The following ZNF665 variants were observed in gnomAD, a reference collection of about 807,000 sequenced individuals.
The protein encoded by ZNF665 is zinc finger protein 665.
In ZNF665, 6 loss-of-function variants were observed where a neutral mutation model predicts 7.9. The observed-to-expected ratio is 0.76, with a 90% CI of 0.42 to 1.50. ZNF665 has a LOEUF of 1.50. Among genes scored for constraint, ZNF665 ranks in the 40% most tolerant of loss-of-function variants. The probability of loss-of-function intolerance (pLI) is 0.01; values close to 1 mark genes in which losing one functional copy is unlikely to be tolerated. For missense variants in ZNF665, 819 were observed against 806.7 expected (o/e 1.02, Z -0.18); for synonymous variants, 242 against 274.5 (o/e 0.88, Z 1.17).
intron 1 of ZNF665, among the ~76,000 whole-genome samples, chr19:53,192,924 C>G (rs1009335206): frequency 6.6e-6 from 1 of 152,180 alleles, no homozygotes; most frequent in Admixed American, 6.5e-5. Flanking sequence ...CAGGACCAGG[C>G]AGAGGCGCGG....
rs1274121395 is a variant in ZNF665, at chr19:53,166,031, C to T, written c.459G>A (p.Gln153=). ...AAATTTTCCCTTCATGTTGAAATTGCTGCAGTTCAGGGAGATGTGACTGAA... is the reference window on the plus strand; with the variant it reads ...AAATTTTCCCTTCATGTTGAAATTGTTGCAGTTCAGGGAGATGTGACTGAA... ...VSFQSHLPEL[Q]QFQHEGKIYE... Residue 153 remains glutamine (Q), a synonymous_variant, in exon 4 of 4, where the codon CAG becomes CAA. Coordinates refer to ENST00000396424, the MANE Select transcript of ZNF665 (RefSeq NM_024733.5). 1 of 1,614,004 alleles carries T rather than the reference C, an allele frequency of 6.2e-7. No homozygotes were observed. The highest frequency in any genetic ancestry group is 2.2e-5 in the East Asian group (1 of 44,880).
intron 2 of ZNF665, among the ~76,000 whole-genome samples, chr19:53,178,437 A>G (rs2090713800): frequency 6.6e-6 from 1 of 152,186 alleles, no homozygotes; most frequent in South Asian, 2.1e-4. Context: ...CAAAATAAAG[A>G]AATTGGCCAG....
Position 53,163,096 on chromosome 19 carries a change from T to G in ZNF665, c.*1357A>C, listed in dbSNP as rs1403411828. ...TTGCCCAGACTGGAGTGCAGTGGCA[T>G]GATCTCGGCTCACCACAACCTCTGC... On this transcript the variant is annotated 3_prime_UTR_variant, in exon 4 of 4. Coordinates refer to ENST00000396424, the MANE Select transcript of ZNF665 (RefSeq NM_024733.5). The G allele has an allele frequency of 6.6e-6, 1 of 152,380 alleles. No individual in the cohort carries two copies. Among genetic ancestry groups the G allele is most frequent in the Non-Finnish European group, 1.5e-5 (1 of 68,290 alleles). 9.4% of individuals were successfully genotyped at this position (152,380 alleles called of 1,614,324 possible).
chr19:53,182,620 ACGGGACCCTCACCC>A (rs2090746250), intron 2 of ZNF665: 1 of 781,400 alleles, frequency 1.3e-6, no homozygotes, highest in Non-Finnish European at 2.2e-6. Context: ...CACTGACACC[ACGGGACCCTCACCC>A]CGTCTCCATC....
chr19:53,175,849 T>C (rs2090694105), intron 2 of ZNF665, among the ~76,000 whole-genome samples: 1 of 152,130 alleles, frequency 6.6e-6, no homozygotes. Context: ...GGCTGGACAC[T>C]GGAAAGACCA....
intron 3 of ZNF665, among the ~76,000 whole-genome samples, chr19:53,170,335 A>G (rs982283156): frequency 2.6e-5 from 4 of 152,214 alleles, no homozygotes; most frequent in Non-Finnish European, 4.4e-5. Context: ...CATGATGCAT[A>G]TATAGAATGT....
At chr19:53,167,032 T>C (rs1484605412) in intron 3 of ZNF665, among the ~76,000 whole-genome samples, 2 of 152,224 alleles carry the variant, frequency 1.3e-5, no homozygotes, top group East Asian at 3.9e-4. Flanking sequence ...GAAGGACTTT[T>C]GCTCTTGTTG....
At position 53,184,756 on chromosome 19, in the gene ZNF665, A is replaced by G. The variant is rs574239672; in HGVS notation, c.-45-1813T>C. Among the ~76,000 whole-genome samples, 751 of 152,218 alleles carry G rather than the reference A, an allele frequency of 4.9e-3. 10 individuals carry two copies. The highest frequency in any genetic ancestry group is 0.017 in the African/African-American group (724 of 41,524). ...GGCCCGGGGGACCACTACCACCAAG[A>G]CGTGGAGACCGGTAGTGGCCCCGAA... On this transcript the variant is annotated intron_variant, in intron 1 of 3. Transcript: ENST00000396424.
rs145857493 is a variant in ZNF665 at position 53,169,487 on chromosome 19, G to A, written c.143-3140C>T. ...AGGCTACAACCACTTTGGAAAATAG[G>A]TTGGATGGCTTTAAAAAAAATTTTT... is the stretch of plus-strand genomic sequence containing the variant. On this transcript the variant is annotated intron_variant, in intron 3 of 3. Coordinates refer to ENST00000396424, the MANE Select transcript of ZNF665 (RefSeq NM_024733.5). Among the ~76,000 whole-genome samples the A allele has an allele frequency of 2.1e-3, 319 of 152,130 alleles. 1 individual carries two copies. The highest frequency in any genetic ancestry group is 7.4e-3 in the African/African-American group (306 of 41,512).
At position 53,165,902 on chromosome 19, in the gene ZNF665, A is replaced by C; in HGVS notation, c.588T>G (p.His196Gln). 2 of 1,614,166 alleles carry C rather than the reference A, an allele frequency of 1.2e-6. No individual in the cohort carries two copies. The highest frequency in any genetic ancestry group is 2.7e-5 in the African/African-American group (2 of 75,036). ...GCTTCTCTCCAGTATGAATTCTCTT[A>C]TGACTTGTTAGCCGTGAGTTTTGAC... The part of the protein sequence containing the change: ...VFSQNSRLTS[H>Q]KRIHTGEKPY... The change falls in exon 4 of 4, where the codon CAT becomes CAG. Residue 196 changes from histidine to glutamine, a missense_variant. By Grantham distance (24) the His-to-Gln change is conservative. Coordinates refer to ENST00000396424, the MANE Select transcript of ZNF665 (RefSeq NM_024733.5).
chr19:53,171,947 G>T (rs1194412106), intron 3 of ZNF665, among the ~76,000 whole-genome samples: 3 of 151,912 alleles, frequency 2.0e-5, no homozygotes, highest in Non-Finnish European at 2.9e-5. Context: ...TAGAAACAGG[G>T]TTTCACCATG....
chr19:53,186,828 G>A (rs2090778446), intron 1 of ZNF665, among the ~76,000 whole-genome samples: 1 of 12,476 alleles, frequency 8.0e-5, no homozygotes, highest in Non-Finnish European at 3.0e-4. Context: ...GGCCAGGCGG[G>A]GGGCTGATCC....
rs2090595820 is a variant in ZNF665, at chr19:53,164,976, C to T, written c.1514G>A (p.Trp505Ter). Residue 505 changes from tryptophan to a stop codon, truncating the protein, a stop_gained, in exon 4 of 4, where the codon TGG (tryptophan) becomes TAG (stop). Transcript: ENST00000396424. LOFTEE classifies it low-confidence loss of function (END_TRUNC). ...FSQTSQLARH[W>*]RVHTGEKPYK... ...AGGTTTTTCTCCAGTATGAACTCTC[C>T]AATGCCTTGCAAGTTGTGATGTTTG... 1.7e-5 allele frequency: 28 copies of T among 1,613,790 alleles called. No homozygotes were observed. Among genetic ancestry groups the T allele is most frequent in the Non-Finnish European group, 2.4e-5 (28 of 1,179,934 alleles).
intron 3 of ZNF665, among the ~76,000 whole-genome samples, chr19:53,174,991 G>C (rs374683824): frequency 7.6e-6 from 1 of 132,234 alleles, no homozygotes; most frequent in African/African-American, 2.9e-5. Context: ...AAAAAAAAAA[G>C]AAATATAATG....
intron 1 of ZNF665, among the ~76,000 whole-genome samples, chr19:53,189,460 T>C (rs10418004): frequency 0.97 from 139,665 of 143,604 alleles, 67,970 homozygotes; most frequent in Non-Finnish European, 0.99. Flanking sequence ...ACGTGGGTCA[T>C]GTGTCCACTG....
intron 3 of ZNF665, among the ~76,000 whole-genome samples, chr19:53,167,607 C>T (rs555547967): frequency 0.016 from 2,349 of 150,658 alleles, 65 homozygotes; most frequent in African/African-American, 0.054. Flanking sequence ...CCACCGCGCC[C>T]GGCTAATTTT....
chr19:53,189,065 G>GTGTA (rs2090793685), intron 1 of ZNF665, among the ~76,000 whole-genome samples: 1 of 151,194 alleles, frequency 6.6e-6, no homozygotes, highest in Non-Finnish European at 1.5e-5. Flanking sequence ...GTGTGTGTGT[G>GTGTA]TGTGTGTGTG....
intron 1 of ZNF665, among the ~76,000 whole-genome samples, chr19:53,192,941 C>G (rs574604126): frequency 5.9e-5 from 9 of 152,222 alleles, no homozygotes; most frequent in Admixed American, 1.3e-4. Flanking sequence ...GCGGCCTCCC[C>G]GGGACTGGGG....
chr19:53,169,684 TC>T (rs2090642635), intron 3 of ZNF665, among the ~76,000 whole-genome samples: 1 of 150,194 alleles, frequency 6.7e-6, no homozygotes. Context: ...CCCTCCCCCT[TC>T]CCCCCACCCC....
Sources: gnomAD v4.1 joint callset for allele counts (sites outside exome capture counted in the v4.1 genomes callset) on GRCh38, gnomAD v4.1.1 for gene constraint, MANE v1.5 for transcripts, NCBI Gene and HGNC (gene_info 2026-07-23, HGNC 2026-07-21) for gene names.